The following OPRM1 variants were observed in gnomAD, a reference collection of about 807,000 sequenced individuals.
The protein encoded by OPRM1 is opioid receptor mu 1.
Under a neutral mutation model 31.8 loss-of-function variants are expected in OPRM1, and 27 were observed. That is an observed-to-expected ratio of 0.85 (90% confidence interval 0.63 to 1.17). The LOEUF is 1.17. Ranked by LOEUF, OPRM1 falls within the 50% of genes most tolerant of loss-of-function variation. OPRM1 has a pLI of 0.00. For synonymous variants in OPRM1, 196 were observed against 189.9 expected (o/e 1.03, Z -0.26); for missense variants, 536 against 511.1 (o/e 1.05, Z -0.47).
chr6:154,197,389 T>C (rs1273377381), intron 3 of OPRM1, among the ~76,000 whole-genome samples: 1 of 152,220 alleles, frequency 6.6e-6, no homozygotes, highest in African/African-American at 2.4e-5. Context: ...TCAGTTCTTC[T>C]GGGAATTTAA....
downstream of OPRM1, among the ~76,000 whole-genome samples, chr6:154,133,120 C>CA (rs61513712): frequency 7.2e-3 from 981 of 135,980 alleles, 21 homozygotes; most frequent in African/African-American, 0.024. Flanking sequence ...GACTCCATCT[C>CA]AAAAAAAAAA....
rs552252547 is a variant in OPRM1, at chr6:154,242,218, A to G, written c.1165-4475A>G. ...TTCTCAAAGATCCTAATAATGTGTT[A>G]GCAAAATGAGAGCAGCTGTGCAGGA... On this transcript the variant is annotated intron_variant, in intron 3 of 3. Coordinates refer to the OPRM1 transcript ENST00000337049. 4.5e-4 allele frequency among the ~76,000 whole-genome samples: 69 copies of G among 152,318 alleles called. 1 individual carries two copies. The South Asian group carries it at 7.2e-3, about 16-fold the overall frequency.
intron 3 of OPRM1, chr6:154,107,539 A>G: frequency 1.4e-6 from 1 of 718,538 alleles, no homozygotes; most frequent in Non-Finnish European, 2.6e-6. Flanking sequence ...GGCAGTCTCC[A>G]TTTCCCTTCC....
chr6:154,146,938 G>A (rs1798373918), intron 3 of OPRM1, among the ~76,000 whole-genome samples: 1 of 152,162 alleles, frequency 6.6e-6, no homozygotes, highest in South Asian at 2.1e-4. Context: ...AAAACAGTCT[G>A]GATAGAAACT....
chr6:154,152,323 G>GAAAAAGAAAAGA (rs1301926440), intron 3 of OPRM1, among the ~76,000 whole-genome samples: 1 of 31,658 alleles, frequency 3.2e-5, no homozygotes, highest in Non-Finnish European at 6.8e-5. Context: ...AAGAAAGAAA[G>GAAAAAGAAAAGA]AAAGAAAGAA....
Position 154,168,586 on chromosome 6 carries a change from T to TATTA in OPRM1, c.1164+77130_1164+77133dup, listed in dbSNP as rs972952717. 2.0e-5 allele frequency among the ~76,000 whole-genome samples: 3 copies of TATTA among 152,038 alleles called. No individual in the cohort carries two copies. Among genetic ancestry groups the TATTA allele is most frequent in the Non-Finnish European group, 2.9e-5 (2 of 68,008 alleles). On this transcript the variant is annotated intron_variant, in intron 3 of 3. Transcript: ENST00000337049. The surrounding 1 kb of genome is among the most constrained non-coding windows in gnomAD (Gnocchi z 4.1). ...GGTTAGGACGTCAACATACGAATTTTATTAATTAATTAATTAATTTTATTA... is the reference window on the plus strand; with the variant it reads ...GGTTAGGACGTCAACATACGAATTTTATTAATTAATTAATTAATTAATTTTATTA...
In OPRM1 at chr6:154,119,071, G is replaced by A. The variant is rs1797161889; in HGVS notation, c.*350G>A. 2.9e-6 allele frequency: 3 copies of A among 1,032,054 alleles called. No individual in the cohort carries two copies. The highest frequency in any genetic ancestry group is 3.4e-5 in the African/African-American group (2 of 58,946). The allele number at this position is 1,032,054 out of a possible 1,614,324, so 63.9% of individuals were successfully genotyped here. A position where few individuals can be genotyped will look rare whatever the true frequency, so the allele number is the denominator to read the frequency against. On this transcript the variant is annotated 3_prime_UTR_variant, in exon 4 of 4. Transcript: ENST00000330432. ...AGCAAATATTTATGACCTCAACAAAGAAGAACCATCTTTTGTTAAGTTCAC... is the reference window on the plus strand; with the variant it reads ...AGCAAATATTTATGACCTCAACAAAAAAGAACCATCTTTTGTTAAGTTCAC...
chr6:154,029,166 C>G (rs1228310394), intron 1 of OPRM1, among the ~76,000 whole-genome samples: 2 of 152,134 alleles, frequency 1.3e-5, no homozygotes, highest in Non-Finnish European at 2.9e-5. Flanking sequence ...ACATATTAAA[C>G]AGTGCCGCCT....
intron 3 of OPRM1, among the ~76,000 whole-genome samples, chr6:154,162,321 C>T (rs115046569): frequency 0.012 from 1,822 of 152,320 alleles, 37 homozygotes; most frequent in African/African-American, 0.039. Context: ...AAATCCCTGT[C>T]CAGCTAATGC....
At chr6:154,058,837 C>T (rs1389568285) in intron 1 of OPRM1, among the ~76,000 whole-genome samples, 2 of 152,010 alleles carry the variant, frequency 1.3e-5, no homozygotes, top group Non-Finnish European at 2.9e-5. Context: ...ATCTTTACAC[C>T]AACCATTAAG....
chr6:154,122,174 G>A lies in OPRM1; in HGVS notation c.*3453G>A, dbSNP rs1797342983. 6.6e-6 allele frequency among the ~76,000 whole-genome samples: 1 copy of A among 152,158 alleles called. No individual in the cohort carries two copies. The highest frequency in any genetic ancestry group is 1.5e-5 in the Non-Finnish European group (1 of 68,018). On this transcript the variant is annotated 3_prime_UTR_variant, in exon 4 of 4. Transcript: ENST00000330432. ...GGCCACACACACACAAGTTGTGTTT[G>A]TACAATTCTTGAGGTCAATCAGAAC...
At chr6:154,156,066 C>T (rs562284379) in intron 3 of OPRM1, 2 of 152,348 alleles carry the variant, frequency 1.3e-5, no homozygotes, top group South Asian at 2.1e-4. Context: ...AAAATAAACA[C>T]TCTCCATTTC....
intron 1 of OPRM1, among the ~76,000 whole-genome samples, chr6:154,025,275 C>T (rs1196512945): frequency 6.6e-6 from 1 of 151,948 alleles, no homozygotes; most frequent in Non-Finnish European, 1.5e-5. Flanking sequence ...ATATAGTAAC[C>T]TTCTTTGTCT....
chr6:154,219,742 A>T (rs552971368), intron 3 of OPRM1, among the ~76,000 whole-genome samples: 2 of 152,172 alleles, frequency 1.3e-5, no homozygotes, highest in South Asian at 4.2e-4. Flanking sequence ...CCAAGGGGAT[A>T]AAAAAAAGCT....
At chr6:154,206,702 A>T (rs1319934357) in intron 3 of OPRM1, among the ~76,000 whole-genome samples, 3 of 152,236 alleles carry the variant, frequency 2.0e-5, no homozygotes, top group African/African-American at 7.2e-5. Flanking sequence ...GTTCTCATGA[A>T]GGAATCTACA....
intron 1 of OPRM1, among the ~76,000 whole-genome samples, chr6:154,043,455 T>C (rs935712155): frequency 3.3e-5 from 5 of 151,970 alleles, no homozygotes; most frequent in Admixed American, 1.3e-4. Context: ...TATAAGCTTT[T>C]AAACTTAATC....
In OPRM1 at chr6:154,085,060, A is replaced by G. The variant is rs1237129997; in HGVS notation, c.291-4766A>G. On this transcript the variant is annotated intron_variant, in intron 1 of 3. Coordinates refer to ENST00000330432, the MANE Select transcript of OPRM1 (RefSeq NM_000914.5). The stretch of plus-strand genomic sequence containing the variant: ...CAAATAATTAACCACAAAACTAAAC[A>G]GAAGTTTACAAAACCCATCAGGTGT... Among the ~76,000 whole-genome samples, 3 of 152,318 alleles carry G rather than the reference A, an allele frequency of 2.0e-5. No homozygotes were observed. The East Asian group carries it at 5.8e-4, about 29-fold the overall frequency.
chr6:154,198,210 T>G (rs1272562904), intron 3 of OPRM1, among the ~76,000 whole-genome samples: 3 of 152,202 alleles, frequency 2.0e-5, no homozygotes, highest in Non-Finnish European at 4.4e-5. Context: ...TGAATCTATC[T>G]CCTTTTGACT....
chr6:154,010,622 T>C, exon 1 of OPRM1: 4 of 1,508,300 alleles, frequency 2.7e-6, no homozygotes, highest in Non-Finnish European at 3.6e-6. Flanking sequence ...CAATATTGTA[T>C]GCCTGCACTA....
Sources: allele counts gnomAD v4.1 joint callset (sites outside exome capture counted in the v4.1 genomes callset), GRCh38; gene constraint gnomAD v4.1.1; non-coding constraint Gnocchi (gnomAD v3.1); transcripts MANE v1.5; gene names NCBI Gene and HGNC (gene_info 2026-07-23, HGNC 2026-07-21).